PCCA: variants seen among roughly 807,000 people sequenced by gnomAD.
PCCA encodes the protein propionyl-CoA carboxylase subunit alpha, also known as propionyl-CoA carboxylase alpha chain, mitochondrial.
A neutral mutation model predicts 101.3 loss-of-function variants in PCCA; 74 were observed. The observed-to-expected ratio is 0.73, with a 90% CI of 0.61 to 0.89. PCCA has a LOEUF of 0.89. PCCA is among the 40% of genes least tolerant of loss of function. The pLI, the probability that PCCA is intolerant of heterozygous loss-of-function variation, is 0.00. For synonymous variants in PCCA, 294 were observed against 313.6 expected, an observed-to-expected ratio of 0.94 and a Z score of 0.66; for missense variants, 891 against 907.0, an observed-to-expected ratio of 0.98 and a Z score of 0.23.
At position 100,515,545 on chromosome 13, in the gene PCCA, T is replaced by C. The variant is rs2086772404; in HGVS notation, c.2018T>C (p.Val673Ala). ...CCGATGCCCGGAGTGGTGGTGGCCG[T>C]CTCTGTCAAGCCTGGAGACGCGGTA... is the stretch of plus-strand genomic sequence containing the variant. ...RSPMPGVVVA[V>A]SVKPGDAVAE... Residue 673 changes from valine (V) to alanine (A), a missense_variant, in exon 22 of 24, where the codon GTC becomes GCC. Val to Ala is a moderately conservative substitution (Grantham distance 64). Transcript: ENST00000376285. 7 of 1,613,950 alleles carry C rather than the reference T, an allele frequency of 4.3e-6. No homozygotes were observed. The highest frequency in any genetic ancestry group is 5.9e-6 in the Non-Finnish European group (7 of 1,179,978).
chr13:100,124,822 CTT>C (rs1450881742), intron 4 of PCCA, among the ~76,000 whole-genome samples: 2 of 151,974 alleles, frequency 1.3e-5, no homozygotes, highest in African/African-American at 4.8e-5. Context: ...TATACATACA[CTT>C]ATTTATATTT....
At chr13:100,214,375 C>G (rs1406229250) in intron 7 of PCCA, among the ~76,000 whole-genome samples, 7 of 151,092 alleles carry the variant, frequency 4.6e-5, no homozygotes, top group Admixed American at 4.6e-4. Flanking sequence ...TCTTTTGTGT[C>G]CTTTTCAATT....
chr13:100,388,391 G>A (rs1197206302), intron 19 of PCCA, among the ~76,000 whole-genome samples: 1 of 152,142 alleles, frequency 6.6e-6, no homozygotes, highest in Non-Finnish European at 1.5e-5. Flanking sequence ...GTGAGCCTGG[G>A]AGGTCAAGGC....
At chr13:100,285,655 A>C (rs770907345) in intron 12 of PCCA, among the ~76,000 whole-genome samples, 24 of 152,292 alleles carry the variant, frequency 1.6e-4, no homozygotes, top group Admixed American at 3.9e-4. Flanking sequence ...TCCTCCTTGA[A>C]GGACCCATGT....
chr13:100,357,645 A>G (rs1275483026), intron 18 of PCCA, among the ~76,000 whole-genome samples: 1 of 152,242 alleles, frequency 6.6e-6, no homozygotes, highest in African/African-American at 2.4e-5. Context: ...AAGCACAACT[A>G]TTTGAAGGCT....
intron 4 of PCCA, among the ~76,000 whole-genome samples, chr13:100,114,254 T>C (rs559914429): frequency 6.6e-6 from 1 of 152,036 alleles, no homozygotes; most frequent in East Asian, 1.9e-4. Flanking sequence ...AACAACTCTA[T>C]AGGAAAAAAA....
chr13:100,338,831 A>G (rs181675405), intron 17 of PCCA, among the ~76,000 whole-genome samples: 2 of 151,596 alleles, frequency 1.3e-5, no homozygotes, highest in East Asian at 1.9e-4. Context: ...GGGAGCAGAT[A>G]GATTACTTCC....
chr13:100,375,997 ATGT>A (rs1371224017), intron 19 of PCCA, among the ~76,000 whole-genome samples: 1 of 152,072 alleles, frequency 6.6e-6, no homozygotes, highest in East Asian at 1.9e-4. Flanking sequence ...TTTGTCTTTG[ATGT>A]TGGTGACCTT....
At chr13:100,138,802 G>T (rs2051487133) in intron 4 of PCCA, among the ~76,000 whole-genome samples, 1 of 151,894 alleles carries the variant, frequency 6.6e-6, no homozygotes, top group African/African-American at 2.4e-5. Context: ...AGGCGCAGTG[G>T]TAGGCGTCTG....
intron 11 of PCCA, 116 bp downstream of exon 11, chr13:100,268,899 C>G: frequency 1.2e-6 from 1 of 808,748 alleles, no homozygotes. Context: ...ACTCTGTTGC[C>G]CAGGCAGTGG....
chr13:100,175,116 A>G (rs973067212), intron 6 of PCCA, among the ~76,000 whole-genome samples: 1 of 152,186 alleles, frequency 6.6e-6, no homozygotes, highest in Non-Finnish European at 1.5e-5. Flanking sequence ...TTATTTTGAT[A>G]TCTAAGTAAT....
At chr13:100,358,868 G>A (rs2074232196) in intron 18 of PCCA, among the ~76,000 whole-genome samples, 1 of 152,016 alleles carries the variant, frequency 6.6e-6, no homozygotes, top group African/African-American at 2.4e-5. Flanking sequence ...AGCCGAGGTG[G>A]GCAGATCACC....
intron 7 of PCCA, among the ~76,000 whole-genome samples, chr13:100,229,315 G>A (rs2060333708): frequency 1.3e-5 from 2 of 152,218 alleles, no homozygotes; most frequent in African/African-American, 2.4e-5. Flanking sequence ...AAAAAGTAAA[G>A]TAGAGGTTCC....
At chr13:100,216,077 C>T (rs2059490583) in intron 7 of PCCA, among the ~76,000 whole-genome samples, 1 of 151,598 alleles carries the variant, frequency 6.6e-6, no homozygotes, top group Non-Finnish European at 1.5e-5. Flanking sequence ...CTTCCCCTCC[C>T]CTTCCCCTTC....
chr13:100,440,209 T>TATAA (rs1348343858), intron 20 of PCCA, among the ~76,000 whole-genome samples: 21 of 107,424 alleles, frequency 2.0e-4, no homozygotes, highest in Non-Finnish European at 2.9e-4. Context: ...TATATATATA[T>TATAA]AAAACGTGAT....
At chr13:100,172,167 C>CTCCA (rs1489976016) in intron 6 of PCCA, among the ~76,000 whole-genome samples, 1 of 150,528 alleles carries the variant, frequency 6.6e-6, no homozygotes, top group Admixed American at 6.6e-5. Context: ...CACCACTACA[C>CTCCA]TCCAGCCTGG....
chr13:100,297,308 T>C (rs1158166739), intron 12 of PCCA, among the ~76,000 whole-genome samples: 1 of 152,230 alleles, frequency 6.6e-6, no homozygotes, highest in East Asian at 1.9e-4. Flanking sequence ...TTTCACTCAC[T>C]AGCTTTAGCA....
intron 13 of PCCA, among the ~76,000 whole-genome samples, chr13:100,302,323 AT>A (rs1327596975): frequency 6.6e-6 from 1 of 152,026 alleles, no homozygotes; most frequent in Non-Finnish European, 1.5e-5. Flanking sequence ...GGTTTGAAAT[AT>A]TTTTCAAGGA....
At chr13:100,481,345 C>T (rs1180931579) in intron 21 of PCCA, among the ~76,000 whole-genome samples, 1 of 152,058 alleles carries the variant, frequency 6.6e-6, no homozygotes. Context: ...ATCACTTGAG[C>T]TCGGGAGTTT....
Sources: gnomAD v4.1 joint callset for allele counts (sites outside exome capture counted in the v4.1 genomes callset) on GRCh38, gnomAD v4.1.1 for gene constraint, MANE v1.5 for transcripts, NCBI Gene and HGNC (gene_info 2026-07-23, HGNC 2026-07-21) for gene names.